IMMP2L: variants seen among roughly 807,000 people sequenced by gnomAD.
IMMP2L encodes mitochondrial inner membrane protease subunit 2.
Under a neutral mutation model 19.3 loss-of-function variants are expected in IMMP2L, and 18 were observed. That is an observed-to-expected ratio of 0.93 (90% CI 0.64 to 1.38). The LOEUF (loss-of-function observed/expected upper bound fraction) is 1.38, where lower values mean the gene tolerates loss of function less well. Among genes scored for constraint, IMMP2L ranks in the 40% most tolerant of loss-of-function variants. The pLI is 0.00. For missense variants in IMMP2L, 233 were observed against 218.2 expected (o/e 1.07, Z -0.43); for synonymous variants, 76 against 73.0 (o/e 1.04, Z -0.21).
In IMMP2L at chr7:110,663,517, G is replaced by C; in HGVS notation, c.*85C>G. ...CTCGCACAGCATCATATTGTCAGAA[G>C]TTTTTCCCTTTTGGAGGCTTCTTTT... On this transcript the variant is annotated 3_prime_UTR_variant, in exon 6 of 6. Transcript: ENST00000405709. The C allele has an allele frequency of 8.5e-7, 1 of 1,179,754 alleles. No homozygotes were observed. The highest frequency in any genetic ancestry group is 1.9e-5 in the Admixed American group (1 of 53,462). The allele number at this position is 1,179,754 out of a possible 1,614,324, so 73.1% of individuals were successfully genotyped here.
intron 5 of IMMP2L, among the ~76,000 whole-genome samples, chr7:110,843,404 A>G (rs1051300593): frequency 1.3e-5 from 2 of 152,180 alleles, no homozygotes; most frequent in Non-Finnish European, 2.9e-5. Flanking sequence ...GGAGGGGGCC[A>G]GTCAGTCAAC....
At chr7:111,344,163 C>G (rs190041061) in intron 3 of IMMP2L, among the ~76,000 whole-genome samples, 1 of 152,256 alleles carries the variant, frequency 6.6e-6, no homozygotes, top group Non-Finnish European at 1.5e-5. Context: ...AAATCTCTCT[C>G]AATGACTTCC....
intron 4 of IMMP2L, among the ~76,000 whole-genome samples, chr7:110,925,062 T>C (rs1278467099): frequency 2.0e-5 from 3 of 152,126 alleles, no homozygotes; most frequent in African/African-American, 7.2e-5. Context: ...AAAAATGGAA[T>C]CGTGGCATAA....
At chr7:111,461,899 A>G (rs1430087788) in intron 3 of IMMP2L, among the ~76,000 whole-genome samples, 1 of 152,018 alleles carries the variant, frequency 6.6e-6, no homozygotes, top group African/African-American at 2.4e-5. Context: ...GAAAAAAATA[A>G]TTTGCCACTA....
At chr7:111,104,044 A>G (rs565299456) in intron 3 of IMMP2L, among the ~76,000 whole-genome samples, 10 of 151,740 alleles carry the variant, frequency 6.6e-5, no homozygotes, top group Non-Finnish European at 1.5e-4. Context: ...GTGTGAAATG[A>G]AAAGTTACAT....
chr7:111,537,618 C>T (rs1368028785), intron 1 of IMMP2L, among the ~76,000 whole-genome samples: 4 of 148,426 alleles, frequency 2.7e-5, no homozygotes, highest in Admixed American at 6.8e-5. Context: ...TCACTGCAAC[C>T]TCTGCCTCCC....
chr7:111,193,684 T>C (rs1809153233), intron 3 of IMMP2L, among the ~76,000 whole-genome samples: 1 of 152,012 alleles, frequency 6.6e-6, no homozygotes, highest in African/African-American at 2.4e-5. Context: ...AAGAGCCTCT[T>C]CATTTAAGTG....
chr7:111,062,393 T>C (rs1029873006), intron 3 of IMMP2L, among the ~76,000 whole-genome samples: 1 of 152,174 alleles, frequency 6.6e-6, no homozygotes, highest in Admixed American at 6.5e-5. Flanking sequence ...GTTTCTCCCA[T>C]GACACATGGG....
At chr7:111,004,363 C>T (rs1267246263) in intron 3 of IMMP2L, among the ~76,000 whole-genome samples, 2 of 152,192 alleles carry the variant, frequency 1.3e-5, no homozygotes, top group East Asian at 3.9e-4. Flanking sequence ...TAGGGTTTTT[C>T]TGTGTTTCCC....
chr7:111,016,215 G>C (rs1001962876), intron 3 of IMMP2L, among the ~76,000 whole-genome samples: 11 of 150,752 alleles, frequency 7.3e-5, no homozygotes, highest in African/African-American at 2.2e-4. Flanking sequence ...TGCACTAAAA[G>C]CCTTGTGTTT....
At chr7:110,996,641 T>C (rs1034744206) in intron 3 of IMMP2L, among the ~76,000 whole-genome samples, 14 of 152,136 alleles carry the variant, frequency 9.2e-5, no homozygotes, top group Admixed American at 5.2e-4. Context: ...ATCCTCTTTT[T>C]TTTTCTGAGT....
At chr7:110,766,202 A>G (rs1000951530) in intron 5 of IMMP2L, among the ~76,000 whole-genome samples, 1 of 152,216 alleles carries the variant, frequency 6.6e-6, no homozygotes, top group African/African-American at 2.4e-5. Flanking sequence ...TTGGTGAAAT[A>G]CAATCTAAAG....
intron 3 of IMMP2L, among the ~76,000 whole-genome samples, chr7:111,320,905 A>G (rs533847912): frequency 6.6e-6 from 1 of 152,034 alleles, no homozygotes; most frequent in African/African-American, 2.4e-5. Flanking sequence ...CAAGCAACTT[A>G]TTCATATTTG....
At chr7:111,160,791 G>T (rs552194410) in intron 3 of IMMP2L, among the ~76,000 whole-genome samples, 1 of 149,598 alleles carries the variant, frequency 6.7e-6, no homozygotes, top group African/African-American at 2.4e-5. Flanking sequence ...TATAAGATAA[G>T]ATTAAACAGG....
At chr7:111,002,280 T>C (rs1171836645) in intron 3 of IMMP2L, among the ~76,000 whole-genome samples, 3 of 152,118 alleles carry the variant, frequency 2.0e-5, no homozygotes, top group African/African-American at 7.2e-5. Context: ...TAAGCCTGCC[T>C]ATTACCCAGT....
Position 110,857,547 on chromosome 7 carries a change from C to A in IMMP2L, c.408+29046G>T, listed in dbSNP as rs115122166. On this transcript the variant is annotated intron_variant, in intron 5 of 5. Coordinates refer to ENST00000405709, the MANE Select transcript of IMMP2L (RefSeq NM_032549.4). ...AGTTGCATTAGAATCATATTAGGTA[C>A]CTGTTAAAAATATAGATTCCTGGAT... 4.9e-3 allele frequency among the ~76,000 whole-genome samples: 741 copies of A among 152,094 alleles called. 9 individuals are homozygous for A. Among genetic ancestry groups the A allele is most frequent in the African/African-American group, 0.017 (705 of 41,512 alleles).
intron 5 of IMMP2L, among the ~76,000 whole-genome samples, chr7:110,876,509 G>A (rs1435763842): frequency 2.0e-5 from 3 of 152,088 alleles, no homozygotes; most frequent in Non-Finnish European, 2.9e-5. Context: ...TGCTGCTCGT[G>A]CTTAATTTTA....
At chr7:110,857,067 T>C (rs1165593140) in intron 5 of IMMP2L, among the ~76,000 whole-genome samples, 3 of 152,114 alleles carry the variant, frequency 2.0e-5, no homozygotes, top group Non-Finnish European at 4.4e-5. Context: ...TCTGGAGACC[T>C]GCAAAGGGTC....
intron 4 of IMMP2L, among the ~76,000 whole-genome samples, chr7:110,930,247 A>G (rs1417756315): frequency 1.3e-5 from 2 of 152,070 alleles, no homozygotes; most frequent in African/African-American, 4.8e-5. Flanking sequence ...TCCTCCACCA[A>G]GTTATTCCAC....
Sources: gnomAD v4.1 joint callset for allele counts (sites outside exome capture counted in the v4.1 genomes callset) on GRCh38, gnomAD v4.1.1 for gene constraint, MANE v1.5 for transcripts, NCBI Gene and HGNC (gene_info 2026-07-23, HGNC 2026-07-21) for gene names.